The following DIS3L2 variants were observed in gnomAD, a reference collection of about 807,000 sequenced individuals.
DIS3L2 encodes DIS3-like exonuclease 2.
DIS3L2 carries 34 observed loss-of-function variants against 97.5 expected under a neutral mutation model. The ratio of observed to expected loss-of-function variants is 0.35; its 90% CI spans 0.27 to 0.46. DIS3L2 has a LOEUF of 0.46. Among genes scored for constraint, DIS3L2 ranks in the 20% least tolerant of loss-of-function variants. DIS3L2 has a pLI of 1.00. For synonymous variants in DIS3L2, 435 were observed against 445.2 expected, an observed-to-expected ratio of 0.98 and a Z score of 0.29; for missense variants, 1,038 against 1,146.0, an observed-to-expected ratio of 0.91 and a Z score of 1.36.
At chr2:232,085,717 G>A (rs189639558) in intron 5 of DIS3L2, among the ~76,000 whole-genome samples, 12 of 152,246 alleles carry the variant, frequency 7.9e-5, no homozygotes, top group African/African-American at 2.6e-4. Context: ...AACACCTGGT[G>A]TATTTTAATA....
At chr2:232,063,595 A>T (rs912533419) in intron 5 of DIS3L2, among the ~76,000 whole-genome samples, 1 of 152,054 alleles carries the variant, frequency 6.6e-6, no homozygotes, top group African/African-American at 2.4e-5. Context: ...TTTTTTCATC[A>T]CTATCCATTC....
intron 14 of DIS3L2, among the ~76,000 whole-genome samples, chr2:232,314,269 C>T (rs1009863087): frequency 3.9e-5 from 6 of 152,090 alleles, no homozygotes; most frequent in African/African-American, 9.7e-5. Context: ...TCCTCCTGGG[C>T]GGGCTGCTCA....
At chr2:232,286,376 T>C (rs1358453645) in intron 13 of DIS3L2, among the ~76,000 whole-genome samples, 6 of 151,536 alleles carry the variant, frequency 4.0e-5, no homozygotes, top group Non-Finnish European at 7.4e-5. Flanking sequence ...TGAAGCATTG[T>C]ATCTTCCTGC....
intron 13 of DIS3L2, among the ~76,000 whole-genome samples, chr2:232,277,434 G>A (rs929166992): frequency 1.3e-5 from 2 of 151,900 alleles, no homozygotes; most frequent in Non-Finnish European, 2.9e-5. Flanking sequence ...AAATCATTTT[G>A]GATTATTTCC....
chr2:232,114,613 T>C (rs1697645250), intron 6 of DIS3L2, among the ~76,000 whole-genome samples: 1 of 152,112 alleles, frequency 6.6e-6, no homozygotes, highest in Non-Finnish European at 1.5e-5. Context: ...TGTCAAGCTA[T>C]GGGAAATCAA....
chr2:232,331,123 C>T (rs949708182), intron 16 of DIS3L2, among the ~76,000 whole-genome samples: 24 of 152,236 alleles, frequency 1.6e-4, no homozygotes, highest in African/African-American at 5.1e-4. Context: ...GGGAACACTC[C>T]GCAGCCTCCA....
At chr2:232,040,343 T>G (rs1563156) in intron 5 of DIS3L2, among the ~76,000 whole-genome samples, 120,438 of 152,050 alleles carry the variant, frequency 0.79, 48,288 homozygotes, top group African/African-American at 0.9. Flanking sequence ...GAAGAAGTAG[T>G]GGGCTCCTAA....
intron 13 of DIS3L2, among the ~76,000 whole-genome samples, chr2:232,280,412 A>G (rs1425615858): frequency 1.3e-5 from 2 of 152,268 alleles, no homozygotes; most frequent in African/African-American, 4.8e-5. Context: ...AACTTTCTAG[A>G]TAAGTCCTTC....
chr2:232,053,769 T>A (rs1244079083), intron 5 of DIS3L2, among the ~76,000 whole-genome samples: 4 of 152,220 alleles, frequency 2.6e-5, no homozygotes, highest in Non-Finnish European at 1.5e-5. Context: ...CCACACCCTC[T>A]TGAAGTCCTC....
intron 9 of DIS3L2, chr2:232,172,555 G>T (rs1440110932): frequency 7.5e-6 from 3 of 399,268 alleles, no homozygotes; most frequent in Non-Finnish European, 1.6e-5. Context: ...GGACATTTGG[G>T]TTGATTCCCC....
At chr2:232,064,916 A>C (rs1695811585) in intron 5 of DIS3L2, among the ~76,000 whole-genome samples, 1 of 152,142 alleles carries the variant, frequency 6.6e-6, no homozygotes, top group African/African-American at 2.4e-5. Context: ...TTCTTTATAT[A>C]ATGTGGACAA....
intron 6 of DIS3L2, among the ~76,000 whole-genome samples, chr2:232,124,019 GATT>G (rs1237427554): frequency 6.6e-6 from 1 of 152,160 alleles, no homozygotes; most frequent in Non-Finnish European, 1.5e-5. Context: ...CTAGGCCTCA[GATT>G]ATTCAGTGAC....
intron 13 of DIS3L2, among the ~76,000 whole-genome samples, chr2:232,289,296 C>T (rs951086922): frequency 6.6e-6 from 1 of 151,572 alleles, no homozygotes; most frequent in Non-Finnish European, 1.5e-5. Context: ...GTTACTGGCC[C>T]GTGTTCTTGC....
At chr2:232,231,369 T>A (rs1234876659) in intron 10 of DIS3L2, among the ~76,000 whole-genome samples, 1 of 152,188 alleles carries the variant, frequency 6.6e-6, no homozygotes, top group African/African-American at 2.4e-5. Flanking sequence ...ATATGCTGGC[T>A]GTCTCAGTAA....
At chr2:232,277,798 G>A (rs999602686) in intron 13 of DIS3L2, among the ~76,000 whole-genome samples, 6 of 152,160 alleles carry the variant, frequency 3.9e-5, no homozygotes, top group African/African-American at 1.2e-4. Flanking sequence ...GATAGCCTAC[G>A]ACCCACCTAG....
At chr2:232,209,013 T>C (rs1231863752) in intron 9 of DIS3L2, among the ~76,000 whole-genome samples, 1 of 152,178 alleles carries the variant, frequency 6.6e-6, no homozygotes, top group East Asian at 1.9e-4. Flanking sequence ...TTTTAAACAT[T>C]TGACATTTCT....
intron 9 of DIS3L2, among the ~76,000 whole-genome samples, chr2:232,195,578 T>A: frequency 5.1e-4 from 1 of 1,944 alleles, no homozygotes; most frequent in East Asian, 0.012. Flanking sequence ...GTAGGGGTGG[T>A]GGGTGGGGGT....
rs550450625 is a variant in DIS3L2 at position 232,018,357 on chromosome 2, C to T, written c.210+2686C>T. ...CCTGTGACATCATGGGACTCTGCAG[C>T]CAGGGCCTCCCCCCTACATATGAGA... On this transcript the variant is annotated intron_variant, in intron 3 of 20. Coordinates refer to ENST00000325385, the MANE Select transcript of DIS3L2 (RefSeq NM_152383.5). 9.2e-5 allele frequency among the ~76,000 whole-genome samples: 14 copies of T among 152,292 alleles called. 1 individual carries two copies. Among genetic ancestry groups the T allele is most frequent in the South Asian group, 8.3e-4 (4 of 4,822 alleles).
chr2:232,041,713 A>G (rs1163363461), intron 5 of DIS3L2, among the ~76,000 whole-genome samples: 1 of 152,264 alleles, frequency 6.6e-6, no homozygotes, highest in Non-Finnish European at 1.5e-5. Context: ...CTCAATCGGC[A>G]AAACAATGTG....
Sources: allele counts gnomAD v4.1 joint callset (sites outside exome capture counted in the v4.1 genomes callset), GRCh38; gene constraint gnomAD v4.1.1; transcripts MANE v1.5; gene names NCBI Gene and HGNC (gene_info 2026-07-23, HGNC 2026-07-21).